The following SLCO1A2 variants were observed in gnomAD, a reference collection of about 807,000 sequenced individuals.
The protein encoded by SLCO1A2 is OATP-1.
A neutral mutation model predicts 69.0 loss-of-function variants in SLCO1A2; 67 were observed. The observed-to-expected ratio is 0.97, with a 90% CI of 0.80 to 1.19. The LOEUF (loss-of-function observed/expected upper bound fraction) is 1.19, where lower values mean the gene tolerates loss of function less well. Among genes scored for constraint, SLCO1A2 ranks in the 50% most tolerant of loss-of-function variants. The probability of loss-of-function intolerance (pLI) is 0.00; values close to 1 mark genes in which losing one functional copy is unlikely to be tolerated. For synonymous variants in SLCO1A2, 260 were observed against 265.9 expected (o/e 0.98, Z 0.22); for missense variants, 787 against 793.7 (o/e 0.99, Z 0.10).
At chr12:21,357,606 C>T (rs773436766) in intron 2 of SLCO1A2, among the ~76,000 whole-genome samples, 24 of 152,116 alleles carry the variant, frequency 1.6e-4, no homozygotes, top group African/African-American at 4.3e-4. Context: ...ATTTAGCGTC[C>T]AATAGATGCT....
At chr12:21,418,682 G>A (rs1269327103), upstream of SLCO1A2, among the ~76,000 whole-genome samples, 12 of 152,046 alleles carry the variant, frequency 7.9e-5, no homozygotes, top group Admixed American at 5.2e-4. Context: ...CTCCCACCGG[G>A]TCCCTCCAAC....
At chr12:21,395,472 G>C (rs1453657167), upstream of SLCO1A2, 3 of 154,536 alleles carry the variant, frequency 1.9e-5, no homozygotes, top group Admixed American at 6.5e-5. Flanking sequence ...GCCCAGGCTT[G>C]ATTAGGTAAA....
At chr12:21,347,470 A>T (rs1279291610) in intron 2 of SLCO1A2, among the ~76,000 whole-genome samples, 1 of 151,918 alleles carries the variant, frequency 6.6e-6, no homozygotes, top group Admixed American at 6.6e-5. Context: ...ACATGGTGAA[A>T]CCCCCTCTCT....
chr12:21,306,301 A>G (rs1202458482), intron 5 of SLCO1A2, among the ~76,000 whole-genome samples: 1 of 152,050 alleles, frequency 6.6e-6, no homozygotes, highest in African/African-American at 2.4e-5. Context: ...GGATGAACTT[A>G]ACAGTGGTCC....
chr12:21,383,962 A>ATAATT (rs10641127), intron 1 of SLCO1A2, among the ~76,000 whole-genome samples: 38,311 of 151,878 alleles, frequency 0.25, 5,731 homozygotes, highest in African/African-American at 0.44. Flanking sequence ...ATATAAATTT[A>ATAATT]TAATACAGTG....
At chr12:21,317,367 C>T (rs1228593717) in intron 3 of SLCO1A2, among the ~76,000 whole-genome samples, 3 of 152,166 alleles carry the variant, frequency 2.0e-5, no homozygotes, top group African/African-American at 7.2e-5. Flanking sequence ...TATTGCACTG[C>T]ATCCTTCTTA....
At chr12:21,408,532 G>A (rs1941858539) in intron 1 of SLCO1A2, among the ~76,000 whole-genome samples, 1 of 152,022 alleles carries the variant, frequency 6.6e-6, no homozygotes, top group Non-Finnish European at 1.5e-5. Context: ...TCTTCAATTT[G>A]CCAGTGAGTC....
At chr12:21,320,579 A>G (rs1364152155) in intron 2 of SLCO1A2, among the ~76,000 whole-genome samples, 1 of 151,816 alleles carries the variant, frequency 6.6e-6, no homozygotes, top group Non-Finnish European at 1.5e-5. Context: ...GCTCACTGCA[A>G]CCTCCACCTC....
chr12:21,393,232 C>CAA (rs1941248265), intron 1 of SLCO1A2, among the ~76,000 whole-genome samples: 1 of 152,092 alleles, frequency 6.6e-6, no homozygotes, highest in Admixed American at 6.6e-5. Context: ...CGATAATAAA[C>CAA]CTTCTATCAA....
At position 21,268,946 on chromosome 12, in the gene SLCO1A2, A is replaced by T. The variant is rs1157885195; in HGVS notation, c.*602T>A. On this transcript the variant is annotated 3_prime_UTR_variant, in exon 15 of 15. Transcript: ENST00000683939. ...GTTTGTCAGTATTCTGTACAAATTG[A>T]GCAAATGTATGAGTAATAAAGAAAA... The T allele has an allele frequency of 2.0e-5, 3 of 152,046 alleles. No individual in the cohort carries two copies. The highest frequency in any genetic ancestry group is 4.1e-4 in the South Asian group (2 of 4,838). 9.4% of individuals were successfully genotyped at this position (152,046 alleles called of 1,614,324 possible).
chr12:21,369,607 T>C (rs1939637456), intron 2 of SLCO1A2, among the ~76,000 whole-genome samples: 1 of 152,228 alleles, frequency 6.6e-6, no homozygotes, highest in Non-Finnish European at 1.5e-5. Context: ...TCCAGACTGA[T>C]GTTTTAAAGT....
intron 1 of SLCO1A2, among the ~76,000 whole-genome samples, chr12:21,404,246 A>G (rs920325155): frequency 6.6e-6 from 1 of 151,966 alleles, no homozygotes; most frequent in African/African-American, 2.4e-5. Flanking sequence ...ATTTTATTTT[A>G]TTTTCTATTC....
chr12:21,270,490 G>C (rs1052990848), intron 14 of SLCO1A2, among the ~76,000 whole-genome samples: 2 of 151,576 alleles, frequency 1.3e-5, no homozygotes, highest in African/African-American at 4.8e-5. Context: ...TATTAAGATA[G>C]TACTAGCTTT....
In SLCO1A2 at chr12:21,295,311, A is replaced by G. The variant is rs1947536100; in HGVS notation, c.1271+286T>C. The G allele has an allele frequency of 1.5e-5, 4 of 258,676 alleles. No individual in the cohort carries two copies. The South Asian group carries it at 2.7e-4, about 17-fold the overall frequency. 16.0% of individuals were successfully genotyped at this position (258,676 alleles called of 1,614,324 possible). On this transcript the variant is annotated intron_variant, in intron 10 of 14. Transcript: ENST00000683939. The stretch of plus-strand genomic sequence containing the variant: ...CCTGAAACTGTAGGTAGTTTCTTTC[A>G]TAGGATAATGTCTACTCGGATATCA...
upstream of SLCO1A2, among the ~76,000 whole-genome samples, chr12:21,399,999 T>A (rs986517416): frequency 6.6e-6 from 1 of 151,874 alleles, no homozygotes; most frequent in African/African-American, 2.4e-5. Context: ...CCAAAAGCAA[T>A]GGCAACAAAA....
At chr12:21,364,610 C>T (rs2127116) in intron 2 of SLCO1A2, among the ~76,000 whole-genome samples, 14,166 of 152,176 alleles carry the variant, frequency 0.093, 1,048 homozygotes, top group East Asian at 0.4. Context: ...GTCAAATTGT[C>T]CCTGTTGCAG....
rs1942114781 is a variant in SLCO1A2 at position 21,266,843 on chromosome 12, G to T, written c.*2705C>A. 1 of 152,044 alleles carries T rather than the reference G, an allele frequency of 6.6e-6. No homozygotes were observed. Among genetic ancestry groups the T allele is most frequent in the African/African-American group, 2.4e-5 (1 of 41,402 alleles). The allele number at this position is 152,044 out of a possible 1,614,324, so 9.4% of individuals were successfully genotyped here. A position where few individuals can be genotyped will look rare whatever the true frequency, so the allele number is the denominator to read the frequency against. ...ATAGGTGGATTCACAAAGAAACTGT[G>T]TAAGCATCTGTAAATATAGGTTAAT... On this transcript the variant is annotated 3_prime_UTR_variant, in exon 15 of 15. Coordinates refer to ENST00000683939, the MANE Select transcript of SLCO1A2 (RefSeq NM_001386879.1).
At chr12:21,372,479 C>G (rs528018944) in intron 2 of SLCO1A2, among the ~76,000 whole-genome samples, 5 of 152,216 alleles carry the variant, frequency 3.3e-5, no homozygotes, top group Admixed American at 3.3e-4. Context: ...CCTTATATCT[C>G]CATTTATTCC....
At chr12:21,329,802 T>A (rs1257880209) in intron 2 of SLCO1A2, among the ~76,000 whole-genome samples, 1 of 151,404 alleles carries the variant, frequency 6.6e-6, no homozygotes, top group Admixed American at 6.6e-5. Context: ...TTTTTATAAA[T>A]TTTACCAAAA....
Sources: allele counts gnomAD v4.1 joint callset (sites outside exome capture counted in the v4.1 genomes callset), GRCh38; gene constraint gnomAD v4.1.1; transcripts MANE v1.5; gene names NCBI Gene and HGNC (gene_info 2026-07-23, HGNC 2026-07-21).